Variants in TUB observed in about 807,000 individuals in gnomAD.
The protein encoded by TUB is TUB bipartite transcription factor.
A neutral mutation model predicts 59.7 loss-of-function variants in TUB; 33 were observed. That is an observed-to-expected ratio of 0.55 (90% CI 0.42 to 0.74). The LOEUF is 0.74. Ranked by LOEUF, TUB falls within the 30% of genes least tolerant of loss-of-function variation. The probability of loss-of-function intolerance (pLI) is 0.00; values close to 1 mark genes in which losing one functional copy is unlikely to be tolerated. For missense variants in TUB, 659 were observed against 672.0 expected, an observed-to-expected ratio of 0.98 and a Z score of 0.21; for synonymous variants, 293 against 256.4, an observed-to-expected ratio of 1.14 and a Z score of -1.36.
chr11:8,100,113 G>C lies in TUB; in HGVS notation c.1117-390G>C, dbSNP rs144878469. Among the ~76,000 whole-genome samples, 83 of 152,312 alleles carry C rather than the reference G, an allele frequency of 5.4e-4. 1 individual carries two copies. The East Asian group carries it at 0.013, about 24-fold the overall frequency. ...ACAGAAACCAGGAGTCCAGGCAAAG[G>C]CTGTTAGAATGATCTTGGTGAGAGA... On this transcript the variant is annotated intron_variant, in intron 9 of 11. Coordinates refer to ENST00000299506, the MANE Select transcript of TUB (RefSeq NM_177972.3).
chr11:8,038,995 C>G, exon 1 of TUB: 1 of 1,613,838 alleles, frequency 6.2e-7, no homozygotes. Flanking sequence ...CACAGGAAAC[C>G]TGGGCCCCTG....
chr11:8,081,500 C>G lies in TUB; in HGVS notation c.-11C>G. On this transcript the variant is annotated 5_prime_UTR_variant, in exon 1 of 12. Transcript: ENST00000299506. ...TCCAGAGCCGCAGCCACCGCCCCGC[C>G]CCCGAGAGACATGACTTCCAAGCCG... 6.5e-7 allele frequency: 1 copy of G among 1,536,742 alleles called. No homozygotes were observed. Among genetic ancestry groups the G allele is most frequent in the Non-Finnish European group, 8.7e-7 (1 of 1,148,840 alleles).
chr11:8,095,393 C>A, intron 4 of TUB, 105 bp from the exon 5 acceptor site: 2 of 1,245,428 alleles, frequency 1.6e-6, no homozygotes, highest in Non-Finnish European at 2.2e-6. Context: ...TAAAGTTTTG[C>A]AGAGGGTTTC....
intron 1 of TUB, chr11:8,019,500 G>T: frequency 1.3e-6 from 1 of 780,814 alleles, no homozygotes; most frequent in Non-Finnish European, 1.7e-6. Context: ...TCGGGCATCC[G>T]GGACCCAGAG....
intron 2 of TUB, chr11:8,075,595 C>T (rs533646386): frequency 2.0e-5 from 3 of 152,318 alleles, no homozygotes; most frequent in Admixed American, 1.3e-4. Flanking sequence ...TAAATTTATT[C>T]TATAGGGCTG....
At chr11:8,022,492 CGT>C (rs1254906800) in intron 1 of TUB, among the ~76,000 whole-genome samples, 1 of 152,152 alleles carries the variant, frequency 6.6e-6, no homozygotes, top group African/African-American at 2.4e-5. Flanking sequence ...ACCTCTCCTC[CGT>C]GTGTTTATGT....
At chr11:8,033,406 C>G (rs564654447) in intron 1 of TUB, among the ~76,000 whole-genome samples, 1 of 152,338 alleles carries the variant, frequency 6.6e-6, no homozygotes, top group South Asian at 2.1e-4. Context: ...CTGACACTTG[C>G]TGGCCTTTCG....
chr11:8,019,787 C>T (rs2133691748), intron 1 of TUB, among the ~76,000 whole-genome samples: 1 of 151,954 alleles, frequency 6.6e-6, no homozygotes, highest in South Asian at 2.1e-4. Context: ...CGTCTGCGCC[C>T]CGCCGGCCCT....
chr11:8,031,714 C>T (rs1384161353), intron 1 of TUB, among the ~76,000 whole-genome samples: 2 of 152,222 alleles, frequency 1.3e-5, no homozygotes, highest in African/African-American at 4.8e-5. Flanking sequence ...TGGCCATGCG[C>T]GATCTGCTGG....
At chr11:8,089,540 G>C in intron 1 of TUB, 70 bp from the exon 2 acceptor site, 1 of 1,583,634 alleles carries the variant, frequency 6.3e-7, no homozygotes, top group South Asian at 1.1e-5. Flanking sequence ...GATATGCTGG[G>C]GGTGGGCTCT....
chr11:8,089,693 G>A (rs755026919), intron 2 of TUB, 32 bp downstream of exon 2: 1 of 1,613,906 alleles, frequency 6.2e-7, no homozygotes, highest in East Asian at 2.2e-5. Flanking sequence ...TAGAAGGGAA[G>A]AGTCTGGGCT....
chr11:8,097,917 T>C (rs1944072891), intron 8 of TUB, 91 bp downstream of exon 8: 2 of 969,670 alleles, frequency 2.1e-6, no homozygotes, highest in Non-Finnish European at 3.2e-6. Context: ...CTGAAGGAGA[T>C]CTAGGCCAGG....
At chr11:8,073,987 G>A (rs1943403771) in intron 2 of TUB, among the ~76,000 whole-genome samples, 1 of 152,252 alleles carries the variant, frequency 6.6e-6, no homozygotes, top group African/African-American at 2.4e-5. Context: ...AAGAATTGCA[G>A]GTGTTTCTTG....
chr11:8,033,062 A>G (rs1942598535), intron 1 of TUB, among the ~76,000 whole-genome samples: 1 of 152,154 alleles, frequency 6.6e-6, no homozygotes, highest in African/African-American at 2.4e-5. Context: ...CCTGCCGAAC[A>G]GATAATTAGA....
intron 3 of TUB, 99 bp downstream of exon 3, chr11:8,090,330 C>A: frequency 6.8e-7 from 1 of 1,470,392 alleles, no homozygotes; most frequent in Non-Finnish European, 9.2e-7. Context: ...ACGGGGGATG[C>A]CCAGGCTGTG....
rs1484581697 is a variant in TUB at position 8,103,607 on chromosome 11, A to G, written c.*1988A>G. On this transcript the variant is annotated 3_prime_UTR_variant, in exon 12 of 12. Coordinates refer to ENST00000299506, the MANE Select transcript of TUB (RefSeq NM_177972.3). ...CCCTCCAACGATTAGCTTTTGCAAC[A>G]TGGTCCAGTTTCTAGAGGGCACTAG... The G allele has an allele frequency of 2.0e-5, 3 of 152,590 alleles. No individual in the cohort carries two copies. Among genetic ancestry groups the G allele is most frequent in the African/African-American group, 7.2e-5 (3 of 41,442 alleles). 9.5% of individuals were successfully genotyped at this position (152,590 alleles called of 1,614,324 possible).
At chr11:8,083,256 G>T (rs1405594436) in intron 1 of TUB, among the ~76,000 whole-genome samples, 1 of 152,192 alleles carries the variant, frequency 6.6e-6, no homozygotes, top group Non-Finnish European at 1.5e-5. Context: ...GGTCCAGATG[G>T]CAGGGTGGTG....
intron 1 of TUB, 143 bp from the exon 2 acceptor site, chr11:8,089,467 T>TCCTTCTA (rs1285165939): frequency 4.1e-6 from 4 of 985,582 alleles, no homozygotes; most frequent in Admixed American, 2.0e-5. Flanking sequence ...CCACCCTTCC[T>TCCTTCTA]CCTTCTACCA....
At chr11:8,036,778 C>T (rs376544581), upstream of TUB, among the ~76,000 whole-genome samples, 7 of 152,306 alleles carry the variant, frequency 4.6e-5, no homozygotes, top group South Asian at 1.5e-3. Context: ...CATCTTTCCC[C>T]GGTTGTCCTC....
Sources: allele counts gnomAD v4.1 joint callset (sites outside exome capture counted in the v4.1 genomes callset), GRCh38; gene constraint gnomAD v4.1.1; transcripts MANE v1.5; gene names NCBI Gene and HGNC (gene_info 2026-07-23, HGNC 2026-07-21).